KIRREL3: variants seen among roughly 807,000 people sequenced by gnomAD.
KIRREL3 encodes the protein kirre like nephrin family adhesion molecule 3.
A neutral mutation model predicts 89.7 loss-of-function variants in KIRREL3; 36 were observed. The observed-to-expected ratio is 0.40, with a 90% CI of 0.31 to 0.53. The LOEUF is 0.53. Ranked by LOEUF, KIRREL3 falls within the 20% of genes least tolerant of loss-of-function variation. The probability of loss-of-function intolerance (pLI) is 0.49; values close to 1 mark genes in which losing one functional copy is unlikely to be tolerated. For missense variants in KIRREL3, 864 were observed against 1,056.6 expected (o/e 0.82, Z 2.53); for synonymous variants, 445 against 441.4 (o/e 1.01, Z -0.10).
In KIRREL3 at chr11:126,544,678, G is replaced by T. The variant is rs1010710635; in HGVS notation, c.134-17991C>A. ...GTCATTTATTTACTCCCTCCACGGG[G>T]CTGCTTTTTGTATCTGGGCCAGTGG... On this transcript the variant is annotated intron_variant, in intron 2 of 16. Transcript: ENST00000525144. This position sits in a 1 kb window ranked among gnomAD's most constrained non-coding sequence, Gnocchi z 5.6. Among the ~76,000 whole-genome samples the T allele has an allele frequency of 6.6e-6, 1 of 152,156 alleles. No homozygotes were observed. The highest frequency in any genetic ancestry group is 1.5e-5 in the Non-Finnish European group (1 of 68,032).
In KIRREL3 at chr11:126,723,593, C is replaced by T. The variant is rs1948263925; in HGVS notation, c.56-160681G>A. 1.3e-5 allele frequency among the ~76,000 whole-genome samples: 2 copies of T among 152,224 alleles called. No homozygotes were observed. Among genetic ancestry groups the T allele is most frequent in the South Asian group, 4.1e-4 (2 of 4,834 alleles). On this transcript the variant is annotated intron_variant, in intron 1 of 16. Coordinates refer to ENST00000525144, the MANE Select transcript of KIRREL3 (RefSeq NM_032531.4). The surrounding 1 kb of genome is among the most constrained non-coding windows in gnomAD (Gnocchi z 4.0). ...TTTTAAAATAAAGGCCTTAGTGGAT[C>T]TCAACTTCAGCAAACAGAACATTTT...
In KIRREL3 at chr11:126,611,652, C is replaced by T. The variant is rs963431146; in HGVS notation, c.56-48740G>A. ...TCCACGTTTGCATTCCCGTGCCCTC[C>T]CCACAGATGGCTGCTCTCTGGGCTG... On this transcript the variant is annotated intron_variant, in intron 1 of 16. Coordinates refer to ENST00000525144, the MANE Select transcript of KIRREL3 (RefSeq NM_032531.4). This position sits in a 1 kb window ranked among gnomAD's most constrained non-coding sequence, Gnocchi z 4.7. Among the ~76,000 whole-genome samples, 4 of 152,126 alleles carry T rather than the reference C, an allele frequency of 2.6e-5. No individual in the cohort carries two copies. The East Asian group carries it at 7.7e-4, about 29-fold the overall frequency.
At chr11:126,839,538 G>A (rs886976634) in intron 1 of KIRREL3, among the ~76,000 whole-genome samples, 5 of 152,222 alleles carry the variant, frequency 3.3e-5, no homozygotes, top group South Asian at 2.1e-4. Flanking sequence ...AGGAAATGCC[G>A]CATTGGTTCC....
Position 126,811,182 on chromosome 11 carries a change from C to A in KIRREL3, c.55+189273G>T, listed in dbSNP as rs1018275632. ...GCTAGCAACTCCATGTGTTGTTACC[C>A]CACCTGACAGTTCACAATTCTGTCT... On this transcript the variant is annotated intron_variant, in intron 1 of 16. Coordinates refer to ENST00000525144, the MANE Select transcript of KIRREL3 (RefSeq NM_032531.4). This position sits in a 1 kb window ranked among gnomAD's most constrained non-coding sequence, Gnocchi z 4.3. 1.3e-5 allele frequency among the ~76,000 whole-genome samples: 2 copies of A among 152,198 alleles called. No individual in the cohort carries two copies. The highest frequency in any genetic ancestry group is 4.8e-5 in the African/African-American group (2 of 41,452).
chr11:126,893,446 A>T (rs1429779899), intron 1 of KIRREL3, among the ~76,000 whole-genome samples: 1 of 152,204 alleles, frequency 6.6e-6, no homozygotes, highest in Non-Finnish European at 1.5e-5. Flanking sequence ...TGCATTTGGT[A>T]TGCGTGGGGA....
At position 126,685,007 on chromosome 11, in the gene KIRREL3, T is replaced by A. The variant is rs560895083; in HGVS notation, c.56-122095A>T. ...TTCCCTCTTTTTCTCCTTCCTCTTCTCCTCCTCTAATATGGAAGGAACGTT... is the reference window on the plus strand; with the variant it reads ...TTCCCTCTTTTTCTCCTTCCTCTTCACCTCCTCTAATATGGAAGGAACGTT... On this transcript the variant is annotated intron_variant, in intron 1 of 16. Transcript: ENST00000525144. This position sits in a 1 kb window ranked among gnomAD's most constrained non-coding sequence, Gnocchi z 5.5. Among the ~76,000 whole-genome samples, 114 of 152,142 alleles carry A rather than the reference T, an allele frequency of 7.5e-4. No homozygotes were observed. Among genetic ancestry groups the A allele is most frequent in the South Asian group, 7.1e-3 (34 of 4,806 alleles).
chr11:126,905,865 G>A lies in KIRREL3; in HGVS notation c.55+94590C>T, dbSNP rs532675766. On this transcript the variant is annotated intron_variant, in intron 1 of 16. Transcript: ENST00000525144. This position sits in a 1 kb window ranked among gnomAD's most constrained non-coding sequence, Gnocchi z 5.0. The stretch of plus-strand genomic sequence containing the variant: ...AAGCACTTCAGGGGTTCCTTTGTCC[G>A]CACCCAGCCATGCAAAATTCCTGGT... 1.0e-3 allele frequency among the ~76,000 whole-genome samples: 159 copies of A among 152,256 alleles called. No homozygotes were observed. The highest frequency in any genetic ancestry group is 3.6e-3 in the African/African-American group (150 of 41,546).
rs544407766 is a variant in KIRREL3 at position 126,931,290 on chromosome 11, T to C, written c.55+69165A>G. 3.9e-5 allele frequency among the ~76,000 whole-genome samples: 6 copies of C among 152,284 alleles called. No homozygotes were observed. The highest frequency in any genetic ancestry group is 4.1e-4 in the South Asian group (2 of 4,828). On this transcript the variant is annotated intron_variant, in intron 1 of 16. Transcript: ENST00000525144. This position sits in a 1 kb window ranked among gnomAD's most constrained non-coding sequence, Gnocchi z 5.1. The stretch of plus-strand genomic sequence containing the variant: ...CACATAGGATGTACTGAAATCAAGA[T>C]TGAATGAATGAATGAATGGATAGAC...
intron 1 of KIRREL3, among the ~76,000 whole-genome samples, chr11:126,722,690 G>A (rs774752909): frequency 3.3e-5 from 5 of 152,216 alleles, no homozygotes; most frequent in Non-Finnish European, 5.9e-5. Flanking sequence ...GTGCTGAGCT[G>A]TGCTCTAACT....
Position 126,747,948 on chromosome 11 carries a change from A to G in KIRREL3, c.56-185036T>C, listed in dbSNP as rs1309056140. 6.6e-6 allele frequency among the ~76,000 whole-genome samples: 1 copy of G among 152,112 alleles called. No homozygotes were observed. The highest frequency in any genetic ancestry group is 2.4e-5 in the African/African-American group (1 of 41,418). ...CACAGGGTCTAGATGCGGCCTTCCCAGGTGACTTTCTGCTCTACTCTTTCT... is the reference window on the plus strand; with the variant it reads ...CACAGGGTCTAGATGCGGCCTTCCCGGGTGACTTTCTGCTCTACTCTTTCT... On this transcript the variant is annotated intron_variant, in intron 1 of 16. Coordinates refer to ENST00000525144, the MANE Select transcript of KIRREL3 (RefSeq NM_032531.4). The surrounding 1 kb of genome is among the most constrained non-coding windows in gnomAD (Gnocchi z 4.7).
intron 5 of KIRREL3, among the ~76,000 whole-genome samples, chr11:126,473,027 T>TCGCTACCTAACCCCCCAG (rs1956953387): frequency 2.0e-5 from 1 of 48,840 alleles, no homozygotes. Flanking sequence ...CCCACTATCC[T>TCGCTACCTAACCCCCCAG]CCCCTCTACC....
At chr11:126,713,744 G>A (rs540062121) in intron 1 of KIRREL3, among the ~76,000 whole-genome samples, 2 of 152,272 alleles carry the variant, frequency 1.3e-5, no homozygotes, top group East Asian at 3.9e-4. Flanking sequence ...TCCGTAGGGG[G>A]ATCTGACCTG....
At chr11:126,801,021 C>G (rs1054775399) in intron 1 of KIRREL3, among the ~76,000 whole-genome samples, 4 of 152,128 alleles carry the variant, frequency 2.6e-5, no homozygotes, top group Admixed American at 6.5e-5. Context: ...GTGGTGCATG[C>G]GTGCCCACAT....
rs1264045071 is a variant in KIRREL3, at chr11:126,612,441, G to C, written c.56-49529C>G. ...TCTATGCATCCTATCACCTGGCTCT[G>C]CTACTAACTGTCTCATGAACTTGGA... is the stretch of plus-strand genomic sequence containing the variant. On this transcript the variant is annotated intron_variant, in intron 1 of 16. Coordinates refer to ENST00000525144, the MANE Select transcript of KIRREL3 (RefSeq NM_032531.4). The surrounding 1 kb of genome is among the most constrained non-coding windows in gnomAD (Gnocchi z 4.5). 6.6e-6 allele frequency among the ~76,000 whole-genome samples: 1 copy of C among 152,152 alleles called. No homozygotes were observed. The highest frequency in any genetic ancestry group is 1.9e-4 in the East Asian group (1 of 5,200).
intron 1 of KIRREL3, among the ~76,000 whole-genome samples, chr11:126,632,416 G>A (rs1249108962): frequency 6.6e-6 from 1 of 152,194 alleles, no homozygotes; most frequent in Non-Finnish European, 1.5e-5. Context: ...AAAGGAAAAT[G>A]TCCACACATG....
At chr11:126,559,183 C>T (rs1329560846) in intron 2 of KIRREL3, among the ~76,000 whole-genome samples, 4 of 152,140 alleles carry the variant, frequency 2.6e-5, no homozygotes, top group Non-Finnish European at 5.9e-5. Context: ...AGAGTGAGCA[C>T]CAAGGTAGAC....
At position 126,985,907 on chromosome 11, in the gene KIRREL3, CTGT is replaced by C. The variant is rs1949853565; in HGVS notation, c.55+14545_55+14547del. 6.6e-6 allele frequency among the ~76,000 whole-genome samples: 1 copy of C among 152,148 alleles called. No individual in the cohort carries two copies. The highest frequency in any genetic ancestry group is 1.5e-5 in the Non-Finnish European group (1 of 68,032). ...CCTACTGGATGGGAGAGAGTTAAAG[CTGT>C]TGTTTCTGGACACTATATAGCCTAG... On this transcript the variant is annotated intron_variant, in intron 1 of 16. Transcript: ENST00000525144. This position sits in a 1 kb window ranked among gnomAD's most constrained non-coding sequence, Gnocchi z 5.3.
chr11:126,672,657 T>C (rs1428954921), intron 1 of KIRREL3, among the ~76,000 whole-genome samples: 1 of 152,290 alleles, frequency 6.6e-6, no homozygotes, highest in African/African-American at 2.4e-5. Flanking sequence ...ATAATAAAAA[T>C]ATACATATTG....
chr11:126,567,353 C>G (rs1398613347), intron 1 of KIRREL3, among the ~76,000 whole-genome samples: 1 of 152,172 alleles, frequency 6.6e-6, no homozygotes, highest in Admixed American at 6.5e-5. Context: ...AAAGAGGGTG[C>G]CTGGGACAGA....
Sources: gnomAD v4.1 joint callset for allele counts (sites outside exome capture counted in the v4.1 genomes callset) on GRCh38, gnomAD v4.1.1 for gene constraint, Gnocchi (gnomAD v3.1) non-coding constraint, MANE v1.5 for transcripts, NCBI Gene and HGNC (gene_info 2026-07-23, HGNC 2026-07-21) for gene names.